The following TEX36 variants were observed in gnomAD, a reference collection of about 807,000 sequenced individuals.
TEX36 encodes testis expressed 36.
TEX36 carries 12 observed loss-of-function variants against 13.6 expected under a neutral mutation model. That is an observed-to-expected ratio of 0.88 (90% CI 0.56 to 1.43). The LOEUF is 1.43. Among genes scored for constraint, TEX36 ranks in the 40% most tolerant of loss-of-function variants. The pLI, the probability that TEX36 is intolerant of heterozygous loss-of-function variation, is 0.00. For missense variants in TEX36, 224 were observed against 228.3 expected, an observed-to-expected ratio of 0.98 and a Z score of 0.12; for synonymous variants, 93 against 83.0, an observed-to-expected ratio of 1.12 and a Z score of -0.65.
At chr10:125,670,746 G>A (rs6597719) in intron 1 of TEX36, among the ~76,000 whole-genome samples, 40,504 of 151,876 alleles carry the variant, frequency 0.27, 7,702 homozygotes, top group African/African-American at 0.5. Context: ...TCAGTCTTTA[G>A]TCTGTCTTGA....
intron 3 of TEX36, among the ~76,000 whole-genome samples, chr10:125,630,775 C>T (rs1396017384): frequency 6.6e-6 from 1 of 152,174 alleles, no homozygotes; most frequent in East Asian, 1.9e-4. Flanking sequence ...GTCCCCTCCC[C>T]TTCCCACTTC....
chr10:125,623,197 G>C (rs1351884357), intron 3 of TEX36, among the ~76,000 whole-genome samples: 2 of 152,166 alleles, frequency 1.3e-5, no homozygotes, highest in African/African-American at 4.8e-5. Context: ...CCATTCCACT[G>C]TTCTATCAAT....
chr10:125,643,974 C>G (rs1396811591), intron 3 of TEX36, among the ~76,000 whole-genome samples: 1 of 151,984 alleles, frequency 6.6e-6, no homozygotes, highest in Non-Finnish European at 1.5e-5. Flanking sequence ...GAGCATAAAA[C>G]CAAGTCACAA....
intron 3 of TEX36, among the ~76,000 whole-genome samples, chr10:125,596,542 A>G (rs1846083684): frequency 6.6e-6 from 1 of 152,190 alleles, no homozygotes; most frequent in South Asian, 2.1e-4. Flanking sequence ...CCTGGTTGAT[A>G]CCTTGATTTT....
chr10:125,669,271 C>CA (rs1257458671), intron 1 of TEX36, among the ~76,000 whole-genome samples: 1 of 150,900 alleles, frequency 6.6e-6, no homozygotes, highest in Non-Finnish European at 1.5e-5. Context: ...AGCCTGGAAA[C>CA]AGAGTGAGAC....
At chr10:125,605,151 G>C (rs1360310302) in intron 3 of TEX36, among the ~76,000 whole-genome samples, 1 of 152,176 alleles carries the variant, frequency 6.6e-6, no homozygotes, top group African/African-American at 2.4e-5. Context: ...CCTGTCCCCA[G>C]GCACAGCACG....
rs188198391 is a variant in TEX36, at chr10:125,622,526, A to G, written c.265-881T>C. Among the ~76,000 whole-genome samples, 4 of 152,180 alleles carry G rather than the reference A, an allele frequency of 2.6e-5. No homozygotes were observed. The East Asian group carries it at 7.7e-4, about 29-fold the overall frequency. ...TCAGCAAGTACCTTGGCTGATCATG[A>G]TTTTTCACCTGGTACTGTGATCCTT... On this transcript the variant is annotated intron_variant, in intron 3 of 3. Coordinates refer to the TEX36 transcript ENST00000526819.
intron 3 of TEX36, among the ~76,000 whole-genome samples, chr10:125,577,492 G>C (rs1237373144): frequency 6.6e-6 from 1 of 152,168 alleles, no homozygotes; most frequent in African/African-American, 2.4e-5. Context: ...GAGTGAGACT[G>C]TGTCTCAAAG....
intron 3 of TEX36, among the ~76,000 whole-genome samples, chr10:125,585,057 G>A (rs1845927274): frequency 6.6e-6 from 1 of 152,128 alleles, no homozygotes; most frequent in Non-Finnish European, 1.5e-5. Context: ...TTCTTAGGGA[G>A]GTGCAAGCTC....
intron 3 of TEX36, among the ~76,000 whole-genome samples, chr10:125,599,721 C>T (rs17153249): frequency 0.083 from 12,701 of 152,266 alleles, 655 homozygotes; most frequent in Admixed American, 0.13. Flanking sequence ...TAATATAATA[C>T]CCTTTGTATT....
intron 3 of TEX36, among the ~76,000 whole-genome samples, chr10:125,637,581 C>T (rs775220890): frequency 5.3e-5 from 8 of 152,106 alleles, no homozygotes; most frequent in Admixed American, 1.3e-4. Flanking sequence ...CCTGATTTCA[C>T]GTCTTTTAGA....
chr10:125,607,626 A>C (rs1239122622), intron 3 of TEX36, among the ~76,000 whole-genome samples: 1 of 152,130 alleles, frequency 6.6e-6, no homozygotes, highest in Non-Finnish European at 1.5e-5. Flanking sequence ...ATAGCGTCTC[A>C]GAACACATGT....
chr10:125,632,827 A>G (rs1263391427), intron 3 of TEX36, among the ~76,000 whole-genome samples: 2 of 152,130 alleles, frequency 1.3e-5, no homozygotes, highest in African/African-American at 4.8e-5. Flanking sequence ...CTTACCAAAG[A>G]TCAGAATTAC....
At chr10:125,631,523 C>T (rs1846554257) in intron 3 of TEX36, among the ~76,000 whole-genome samples, 1 of 152,148 alleles carries the variant, frequency 6.6e-6, no homozygotes, top group Non-Finnish European at 1.5e-5. Context: ...CTATAGAAGC[C>T]AGAGGAGGAT....
intron 3 of TEX36, among the ~76,000 whole-genome samples, chr10:125,632,373 G>T (rs1172501500): frequency 6.6e-6 from 1 of 152,278 alleles, no homozygotes; most frequent in East Asian, 1.9e-4. Flanking sequence ...TACCCACTAA[G>T]ATGCACAGTC....
intron 1 of TEX36, among the ~76,000 whole-genome samples, 169 bp from the exon 2 acceptor site, chr10:125,662,146 C>T (rs891355589): frequency 2.6e-5 from 4 of 152,198 alleles, no homozygotes; most frequent in Non-Finnish European, 5.9e-5. Flanking sequence ...AGACAAAAAA[C>T]ATTGTAATGG....
At chr10:125,658,097 G>A (rs543905908) in intron 3 of TEX36, among the ~76,000 whole-genome samples, 1 of 152,038 alleles carries the variant, frequency 6.6e-6, no homozygotes, top group Non-Finnish European at 1.5e-5. Flanking sequence ...AATGTGAATG[G>A]GCTAAATTCT....
intron 1 of TEX36, chr10:125,667,101 G>T (rs1487565846): frequency 4.3e-6 from 4 of 920,156 alleles, no homozygotes; most frequent in African/African-American, 1.6e-5. Flanking sequence ...TGGCGTTGAG[G>T]TTGATGGATG....
At chr10:125,610,344 A>C (rs925136427) in intron 3 of TEX36, among the ~76,000 whole-genome samples, 2 of 152,176 alleles carry the variant, frequency 1.3e-5, no homozygotes, top group Non-Finnish European at 2.9e-5. Context: ...CCAAGAACCC[A>C]GATGGCCTCC....
Sources: gnomAD v4.1 joint callset for allele counts (sites outside exome capture counted in the v4.1 genomes callset) on GRCh38, gnomAD v4.1.1 for gene constraint, MANE v1.5 for transcripts, NCBI Gene and HGNC (gene_info 2026-07-23, HGNC 2026-07-21) for gene names.